The following ASTN1 variants were observed in gnomAD, a reference collection of about 807,000 sequenced individuals.
ASTN1 encodes astrotactin-1.
Under a neutral mutation model 140.7 loss-of-function variants are expected in ASTN1, and 41 were observed. That is an observed-to-expected ratio of 0.29 (90% CI 0.23 to 0.38). The LOEUF is 0.38. Ranked by LOEUF, ASTN1 falls within the 10% of genes least tolerant of loss-of-function variation. The probability of loss-of-function intolerance (pLI) is 1.00; values close to 1 mark genes in which losing one functional copy is unlikely to be tolerated. For synonymous variants in ASTN1, 640 were observed against 652.2 expected (o/e 0.98, Z 0.29); for missense variants, 1,479 against 1,678.8 (o/e 0.88, Z 2.08).
chr1:177,108,362 A>G (rs1043887563), intron 1 of ASTN1, among the ~76,000 whole-genome samples: 73 of 151,770 alleles, frequency 4.8e-4, no homozygotes, highest in Non-Finnish European at 8.0e-4. Flanking sequence ...AAAAAAAAAA[A>G]AAAAGAAAAG....
Position 176,998,554 on chromosome 1 carries a change from C to T in ASTN1, c.1523+16237G>A, listed in dbSNP as rs144547627. Among the ~76,000 whole-genome samples, 109 of 152,110 alleles carry T rather than the reference C, an allele frequency of 7.2e-4. 2 individuals carry two copies. In the Middle Eastern group the frequency reaches 0.014, roughly 19 times the overall value. On this transcript the variant is annotated intron_variant, in intron 8 of 22. Coordinates refer to ENST00000361833, the MANE Select transcript of ASTN1 (RefSeq NM_004319.3). ...TGGGTGGAGAGGTGGGGGTGGGGAG[C>T]TCATTAAGTCACTGACAGTGGAGAG...
At chr1:176,936,034 TTCCC>T in intron 15 of ASTN1, 1 of 589,946 alleles carries the variant, frequency 1.7e-6, no homozygotes, top group Non-Finnish European at 3.1e-6. Context: ...GTCTTGCCCT[TTCCC>T]TCTCTTCTGT....
At chr1:177,041,916 A>G (rs1676993095) in intron 2 of ASTN1, among the ~76,000 whole-genome samples, 1 of 152,240 alleles carries the variant, frequency 6.6e-6, no homozygotes, top group South Asian at 2.1e-4. Context: ...AATCAACAGC[A>G]TTAAAAACTA....
intron 16 of ASTN1, among the ~76,000 whole-genome samples, chr1:176,913,669 C>T (rs1376111578): frequency 2.6e-5 from 4 of 152,212 alleles, no homozygotes; most frequent in African/African-American, 4.8e-5. Flanking sequence ...TGGAAGAATG[C>T]TCTGATAAAG....
chr1:177,153,892 G>A (rs1470259928), intron 1 of ASTN1, among the ~76,000 whole-genome samples: 2 of 152,104 alleles, frequency 1.3e-5, no homozygotes, highest in African/African-American at 4.8e-5. Context: ...TTTACACTCA[G>A]TGGATTGACA....
At chr1:177,104,728 T>G (rs930548014) in intron 1 of ASTN1, among the ~76,000 whole-genome samples, 1 of 152,190 alleles carries the variant, frequency 6.6e-6, no homozygotes, top group African/African-American at 2.4e-5. Context: ...TAGAGTGAAA[T>G]GAATGCTAGT....
chr1:177,112,072 A>G (rs1364045084), intron 1 of ASTN1, among the ~76,000 whole-genome samples: 2 of 152,206 alleles, frequency 1.3e-5, no homozygotes, highest in Non-Finnish European at 2.9e-5. Flanking sequence ...CATCCTTATC[A>G]GAGCTGAATG....
At chr1:176,960,876 A>G (rs1267365827) in intron 9 of ASTN1, among the ~76,000 whole-genome samples, 1 of 151,992 alleles carries the variant, frequency 6.6e-6, no homozygotes, top group African/African-American at 2.4e-5. Flanking sequence ...TACCCCTTCC[A>G]GAAAGCTCCC....
intron 16 of ASTN1, among the ~76,000 whole-genome samples, chr1:176,918,623 C>T (rs1670594398): frequency 6.6e-6 from 1 of 152,220 alleles, no homozygotes; most frequent in Non-Finnish European, 1.5e-5. Context: ...CCTAAACAAA[C>T]CTAGATCTGT....
intron 8 of ASTN1, among the ~76,000 whole-genome samples, chr1:176,978,449 C>T (rs1238481552): frequency 6.6e-5 from 10 of 152,008 alleles, no homozygotes; most frequent in East Asian, 1.9e-4. Context: ...AGTGGGAAGA[C>T]GTGGATTTGG....
At chr1:177,025,304 G>T (rs537455659) in intron 5 of ASTN1, among the ~76,000 whole-genome samples, 12 of 152,280 alleles carry the variant, frequency 7.9e-5, no homozygotes, top group South Asian at 2.1e-4. Flanking sequence ...AGACAACATT[G>T]TCACACCAGG....
intron 1 of ASTN1, among the ~76,000 whole-genome samples, chr1:177,081,468 A>C (rs1040010731): frequency 2.0e-5 from 3 of 152,094 alleles, no homozygotes; most frequent in African/African-American, 7.2e-5. Flanking sequence ...GGTGTAAAAC[A>C]CTCTTATAAA....
At chr1:176,926,054 G>A (rs11590855) in intron 16 of ASTN1, among the ~76,000 whole-genome samples, 24,616 of 151,932 alleles carry the variant, frequency 0.16, 2,634 homozygotes, top group Middle Eastern at 0.25. Context: ...TGATCTGTCC[G>A]CCTTGGCCTC....
intron 1 of ASTN1, among the ~76,000 whole-genome samples, chr1:177,112,945 T>C (rs2102159317): frequency 6.6e-6 from 1 of 152,340 alleles, no homozygotes; most frequent in African/African-American, 2.4e-5. Context: ...TCATATTCAC[T>C]GTAAGGCAAT....
chr1:177,030,259 A>G (rs1282698214), intron 4 of ASTN1, among the ~76,000 whole-genome samples: 2 of 152,232 alleles, frequency 1.3e-5, no homozygotes, highest in Non-Finnish European at 2.9e-5. Flanking sequence ...CTAACATTTC[A>G]TGTGTATACT....
chr1:177,096,993 T>A lies in ASTN1; in HGVS notation c.284-35728A>T, dbSNP rs920338857. ...ACTAGACACTGAATCTGCTGGCACC[T>A]TGATCTTGGACTTCTCAGCCTCCAC... On this transcript the variant is annotated intron_variant, in intron 1 of 22. Coordinates refer to ENST00000361833, the MANE Select transcript of ASTN1 (RefSeq NM_004319.3). Among the ~76,000 whole-genome samples the A allele has an allele frequency of 5.3e-5, 8 of 152,214 alleles. 1 individual carries two copies. Among genetic ancestry groups the A allele is most frequent in the Middle Eastern group, 3.4e-3 (1 of 292 alleles).
Position 177,014,773 on chromosome 1 carries a change from C to T in ASTN1, c.1523+18G>A, listed in dbSNP as rs1317075150. ...AGTGATATGTGGGAACCAGCTAAGT[C>T]GTCATGCCCTCACTTACCCCTGGTT... On this transcript the variant is annotated intron_variant, in intron 8 of 22. Coordinates refer to ENST00000361833, the MANE Select transcript of ASTN1 (RefSeq NM_004319.3). The T allele has an allele frequency of 8.7e-6, 14 of 1,603,060 alleles. No homozygotes were observed. The highest frequency in any genetic ancestry group is 1.7e-5 in the Admixed American group (1 of 59,944).
At chr1:177,121,242 C>G (rs1681369913) in intron 1 of ASTN1, among the ~76,000 whole-genome samples, 1 of 152,070 alleles carries the variant, frequency 6.6e-6, no homozygotes, top group Admixed American at 6.5e-5. Context: ...AAGATGAACA[C>G]TGGGTAAAAG....
chr1:177,034,093 C>T (rs559431328), intron 2 of ASTN1, among the ~76,000 whole-genome samples: 2 of 152,208 alleles, frequency 1.3e-5, no homozygotes, highest in East Asian at 1.9e-4. Context: ...AGAGGGCCCA[C>T]CCACATAAAG....
Sources: gnomAD v4.1 joint callset for allele counts (sites outside exome capture counted in the v4.1 genomes callset) on GRCh38, gnomAD v4.1.1 for gene constraint, MANE v1.5 for transcripts, NCBI Gene and HGNC (gene_info 2026-07-23, HGNC 2026-07-21) for gene names.